DCN: variants seen among roughly 807,000 people sequenced by gnomAD.
DCN encodes the protein decorin.
DCN carries 17 observed loss-of-function variants against 36.5 expected under a neutral mutation model. The observed-to-expected ratio is 0.47, with a 90% CI of 0.32 to 0.70. The LOEUF (loss-of-function observed/expected upper bound fraction) is 0.70. Ranked by LOEUF, DCN falls within the 30% of genes least tolerant of loss-of-function variation. The probability of loss-of-function intolerance (pLI) is 0.04; values close to 1 mark genes in which losing one functional copy is unlikely to be tolerated. For missense variants in DCN, 389 were observed against 430.1 expected, an observed-to-expected ratio of 0.90 and a Z score of 0.84; for synonymous variants, 163 against 161.4, an observed-to-expected ratio of 1.01 and a Z score of -0.07.
Position 91,158,305 on chromosome 12 carries a change from T to G in DCN, c.529A>C (p.Ile177Leu), listed in dbSNP as rs201430261. 1 of 1,597,202 alleles carries G rather than the reference T, an allele frequency of 6.3e-7. No individual in the cohort carries two copies. Among genetic ancestry groups the G allele is most frequent in the Non-Finnish European group, 8.6e-7 (1 of 1,164,538 alleles). Residue 177 changes from isoleucine (I) to leucine (L), a missense_variant, in exon 4 of 8, where the codon ATT (isoleucine) becomes CTT (leucine). Physicochemically the swap from Ile to Leu is conservative, Grantham distance 5. Transcript: ENST00000052754. ...KVTFNGLNQM[I>L]VIELGTNPLK... ...ATAAAAATGTCTGTACCTATGACAA[T>G]CATCTGGTTCAGTCCATTGAAAGTA...
At chr12:91,178,660 A>T in intron 1 of DCN, 75 bp from the exon 2 acceptor site, 1 of 871,764 alleles carries the variant, frequency 1.1e-6, no homozygotes, top group Non-Finnish European at 1.9e-6. Context: ...AATATGCCAC[A>T]ATACAGTGAG....
chr12:91,176,410 A>G (rs1883288493), intron 2 of DCN: 1 of 152,164 alleles, frequency 6.6e-6, no homozygotes. Flanking sequence ...TTCTCATCTG[A>G]AAACAAAAAA....
rs1004682967 is a variant in DCN, at chr12:91,152,533, T to TA, written c.746+562dup. 2.4e-4 allele frequency among the ~76,000 whole-genome samples: 37 copies of TA among 152,036 alleles called. 1 individual carries two copies. In the East Asian group the frequency reaches 5.4e-3, roughly 22 times the overall value. On this transcript the variant is annotated intron_variant, in intron 6 of 7. Coordinates refer to ENST00000052754, the MANE Select transcript of DCN (RefSeq NM_001920.5). ...GGACAAGTACTAGTATCACTTATTT[T>TA]AAAAAAAATCATTAAGAAGGGCCAG...
intron 1 of DCN, 121 bp downstream of exon 1, chr12:91,182,534 A>G (rs1235567630): frequency 6.6e-6 from 1 of 151,712 alleles, no homozygotes; most frequent in African/African-American, 2.4e-5. Context: ...TAAAAACTAT[A>G]AAAGTTTAAC....
intron 2 of DCN, chr12:91,177,864 G>T (rs778230892): frequency 9.7e-5 from 53 of 547,102 alleles, no homozygotes; most frequent in Non-Finnish European, 1.6e-4. Flanking sequence ...GATGTGTTTT[G>T]CTTTTGATAA....
rs1880974102 is a variant in DCN, at chr12:91,145,821, A to G, written c.*237T>C. 3 of 532,652 alleles carry G rather than the reference A, an allele frequency of 5.6e-6. No homozygotes were observed. In the South Asian group the frequency reaches 6.3e-5, roughly 11 times the overall value. The allele number at this position is 532,652 out of a possible 1,614,324, so 33.0% of individuals were successfully genotyped here. ...CATTTAGTGAAATAAGAATATCTCTAGTAGCTCAGTTAACATCAACAGAAA... is the reference window on the plus strand; with the variant it reads ...CATTTAGTGAAATAAGAATATCTCTGGTAGCTCAGTTAACATCAACAGAAA... On this transcript the variant is annotated 3_prime_UTR_variant, in exon 8 of 8. Coordinates refer to ENST00000052754, the MANE Select transcript of DCN (RefSeq NM_001920.5).
At chr12:91,165,714 C>T (rs1455023825) in intron 2 of DCN, among the ~76,000 whole-genome samples, 1 of 152,002 alleles carries the variant, frequency 6.6e-6, no homozygotes, top group East Asian at 1.9e-4. Flanking sequence ...TTTAAGACTG[C>T]ATAACACAAA....
chr12:91,152,793 G>A (rs1296688511), intron 6 of DCN, among the ~76,000 whole-genome samples: 2 of 151,964 alleles, frequency 1.3e-5, no homozygotes, highest in East Asian at 3.8e-4. Context: ...AAATAAGTTA[G>A]AACATATTAA....
chr12:91,168,136 G>A (rs751813340), intron 2 of DCN, among the ~76,000 whole-genome samples: 6 of 152,050 alleles, frequency 3.9e-5, no homozygotes, highest in Non-Finnish European at 5.9e-5. Context: ...TAGCCGTGGT[G>A]TGCCATTTAT....
At chr12:91,171,780 C>T (rs1017707249) in intron 2 of DCN, among the ~76,000 whole-genome samples, 2 of 152,192 alleles carry the variant, frequency 1.3e-5, no homozygotes, top group Non-Finnish European at 2.9e-5. Flanking sequence ...ACTACAAATG[C>T]AAGAGTGACC....
intron 5 of DCN, among the ~76,000 whole-genome samples, chr12:91,156,379 A>G (rs1881770971): frequency 6.6e-6 from 1 of 152,216 alleles, no homozygotes; most frequent in South Asian, 2.1e-4. Context: ...TTCCCTACTT[A>G]TCTATATGCT....
At chr12:91,176,113 G>A (rs972652775) in intron 2 of DCN, 6 of 152,032 alleles carry the variant, frequency 3.9e-5, no homozygotes, top group African/African-American at 1.4e-4. Context: ...TTAAAGTCAA[G>A]TGAATTTCAT....
At chr12:91,156,768 A>G (rs1881805728) in intron 5 of DCN, among the ~76,000 whole-genome samples, 1 of 151,702 alleles carries the variant, frequency 6.6e-6, no homozygotes, top group South Asian at 2.1e-4. Flanking sequence ...GTGATTTTAC[A>G]ATATTATAAA....
chr12:91,169,214 T>C (rs1321136070), intron 2 of DCN, among the ~76,000 whole-genome samples: 1 of 151,440 alleles, frequency 6.6e-6, no homozygotes, highest in Admixed American at 6.6e-5. Flanking sequence ...CTGGGCAACA[T>C]AGCAAGACCC....
intron 1 of DCN, among the ~76,000 whole-genome samples, chr12:91,181,902 G>GA (rs150441938): frequency 0.17 from 25,428 of 146,860 alleles, 3,762 homozygotes; most frequent in African/African-American, 0.41. Context: ...ACAGCAACAG[G>GA]AAAAAAAAAA....
intron 4 of DCN, among the ~76,000 whole-genome samples, chr12:91,157,773 C>A (rs1881888683): frequency 6.6e-6 from 1 of 151,954 alleles, no homozygotes; most frequent in African/African-American, 2.4e-5. Flanking sequence ...GTACTACAGG[C>A]CCCCACCACC....
At chr12:91,173,329 C>T (rs1054089561) in intron 2 of DCN, among the ~76,000 whole-genome samples, 8 of 152,130 alleles carry the variant, frequency 5.3e-5, no homozygotes, top group Admixed American at 5.2e-4. Flanking sequence ...TCCCACACAG[C>T]TGCCTCTCTC....
chr12:91,179,316 A>C (rs889699010), intron 1 of DCN: 1 of 152,250 alleles, frequency 6.6e-6, no homozygotes, highest in African/African-American at 2.4e-5. Context: ...CCCAGTCCTC[A>C]CCTGAACCCT....
intron 7 of DCN, among the ~76,000 whole-genome samples, chr12:91,147,581 T>C (rs1410301018): frequency 2.6e-5 from 4 of 152,210 alleles, no homozygotes; most frequent in Admixed American, 2.6e-4. Flanking sequence ...ATTTCATATA[T>C]CAGGTCTACA....
Sources: allele counts gnomAD v4.1 joint callset (sites outside exome capture counted in the v4.1 genomes callset), GRCh38; gene constraint gnomAD v4.1.1; transcripts MANE v1.5; gene names NCBI Gene and HGNC (gene_info 2026-07-23, HGNC 2026-07-21).